The following ITLN1 variants were observed in gnomAD, a reference collection of about 807,000 sequenced individuals.
The protein encoded by ITLN1 is intelectin-1.
A neutral mutation model predicts 36.2 loss-of-function variants in ITLN1; 29 were observed. That is an observed-to-expected ratio of 0.80 (90% CI 0.60 to 1.09). The LOEUF is 1.09. ITLN1 is among the 50% of genes least tolerant of loss of function. ITLN1 has a pLI of 0.00. For synonymous variants in ITLN1, 143 were observed against 146.5 expected, an observed-to-expected ratio of 0.98 and a Z score of 0.17; for missense variants, 358 against 405.2, an observed-to-expected ratio of 0.88 and a Z score of 1.00.
At chr1:160,880,836 A>C (rs947118027) in intron 5 of ITLN1, 128 bp from the exon 6 acceptor site, 1 of 1,137,792 alleles carries the variant, frequency 8.8e-7, no homozygotes, top group Non-Finnish European at 1.3e-6. Context: ...CTTCAAAACC[A>C]GTCAAAATAA....
intron 7 of ITLN1, among the ~76,000 whole-genome samples, chr1:160,877,268 G>A (rs1266079886): frequency 4.0e-5 from 6 of 151,648 alleles, no homozygotes; most frequent in Non-Finnish European, 7.4e-5. Flanking sequence ...TCTTCCTTTA[G>A]CTTTAGTGAC....
rs753071761 is a variant in ITLN1 at position 160,876,643 on chromosome 1, G to A, written c.*21C>T. On this transcript the variant is annotated 3_prime_UTR_variant, in exon 8 of 8. Transcript: ENST00000326245. ...ATCTCATGGTTGGGAGGAGAGGTCT[G>A]GGTTCCCTCCCACAAAACTCTCAAC... 3.2e-5 allele frequency: 52 copies of A among 1,613,224 alleles called. No individual in the cohort carries two copies. The highest frequency in any genetic ancestry group is 4.3e-5 in the Non-Finnish European group (51 of 1,179,450).
chr1:160,882,160 T>A lies in ITLN1; in HGVS notation c.202A>T (p.Thr68Ser). 1 of 1,608,104 alleles carries A rather than the reference T, an allele frequency of 6.2e-7. No homozygotes were observed. Among genetic ancestry groups the A allele is most frequent in the Non-Finnish European group, 8.5e-7 (1 of 1,176,574 alleles). ...LRTENGVIYQ[T>S]FCDMTSGGGG... The stretch of plus-strand genomic sequence containing the variant: ...CCCCCAGAGGTCATGTCACAGAAGG[T>A]CTGGTAGATAACACCATTCTCAGTG... Residue 68 changes from threonine to serine, a missense_variant, in exon 4 of 8, where the codon ACC becomes TCC. Physicochemically the swap from Thr to Ser is moderately conservative, Grantham distance 58. Coordinates refer to ENST00000326245, the MANE Select transcript of ITLN1 (RefSeq NM_017625.3).
At position 160,880,723 on chromosome 1, in the gene ITLN1, G is replaced by A. The variant is rs1409491189; in HGVS notation, c.565-15C>T. ...ACTGGATATTTCTACAAAGAACACA[G>A]AAAAAGTCATGGAGTAAAGACAATA... On this transcript the variant is annotated splice_polypyrimidine_tract_variant and intron_variant, in intron 5 of 7. Transcript: ENST00000326245. 2.5e-6 allele frequency: 4 copies of A among 1,613,170 alleles called. No individual in the cohort carries two copies. Among genetic ancestry groups the A allele is most frequent in the Non-Finnish European group, 3.4e-6 (4 of 1,179,772 alleles).
In ITLN1 at chr1:160,876,758, A is replaced by G; in HGVS notation, c.848T>C (p.Phe283Ser). The change falls in exon 8 of 8, where the codon TTT becomes TCT. Residue 283 changes from phenylalanine (F) to serine (S), a missense_variant. By Grantham distance (155) the Phe-to-Ser change is radical (BLOSUM62 -2). Transcript: ENST00000326245. ...PEASPQQCGD[F>S]SGFDWSGYGT... ...ATATCCACTCCAATCAAAACCAGAAAAATCTCCACACTGCTGGGGACTGGC... is the reference window on the plus strand; with the variant it reads ...ATATCCACTCCAATCAAAACCAGAAGAATCTCCACACTGCTGGGGACTGGC... 1 of 1,614,198 alleles carries G rather than the reference A, an allele frequency of 6.2e-7. No individual in the cohort carries two copies.
chr1:160,880,595 A>G lies in ITLN1; in HGVS notation c.678T>C (p.Tyr226=). ...AQKTASYYSP[Y]GQREFTAGFV... Reference sequence around the variant, plus strand: ...GGATCATTAAAGACTCACGCTGGCCATAGGGTGAGTAATAAGATGCTGTTT... The same window carrying G: ...GGATCATTAAAGACTCACGCTGGCCGTAGGGTGAGTAATAAGATGCTGTTT... The change falls in exon 6 of 8, where the codon TAT becomes TAC. Residue 226 remains tyrosine, a synonymous_variant. Transcript: ENST00000326245. 1 of 1,614,078 alleles carries G rather than the reference A, an allele frequency of 6.2e-7. No individual in the cohort carries two copies. Among genetic ancestry groups the G allele is most frequent in the Non-Finnish European group, 8.5e-7 (1 of 1,179,960 alleles).
chr1:160,885,162 A>C lies in ITLN1; in HGVS notation c.-108T>G. 1 of 316,610 alleles carries C rather than the reference A, an allele frequency of 3.2e-6. No individual in the cohort carries two copies. 19.6% of individuals were successfully genotyped at this position (316,610 alleles called of 1,614,324 possible). A position where few individuals can be genotyped will look rare whatever the true frequency, so the allele number is the denominator to read the frequency against. On this transcript the variant is annotated 5_prime_UTR_variant, in exon 1 of 8. Coordinates refer to ENST00000326245, the MANE Select transcript of ITLN1 (RefSeq NM_017625.3). ...TCAACAGAGTGCAGCTTTCTCCAAA[A>C]ACGCTCCTGATGTGGAATGAGGTGC... is the stretch of plus-strand genomic sequence containing the variant.
At position 160,881,219 on chromosome 1, in the gene ITLN1, G is replaced by A; in HGVS notation, c.499C>T (p.Leu167=). Residue 167 remains leucine (L), a synonymous_variant, in exon 5 of 8, where the codon CTG becomes TTG. Transcript: ENST00000326245. The part of the protein sequence containing the change: ...PMQHWRNSSL[L]RYRTDTGFLQ... Reference sequence around the variant, plus strand: ...AAGCCAGTGTCCGTGCGGTACCTCAGCAGGGAGCTGTTTCTCCAGTGCTGC... The same window carrying A: ...AAGCCAGTGTCCGTGCGGTACCTCAACAGGGAGCTGTTTCTCCAGTGCTGC... The A allele has an allele frequency of 6.2e-7, 1 of 1,613,910 alleles. No homozygotes were observed. The highest frequency in any genetic ancestry group is 8.5e-7 in the Non-Finnish European group (1 of 1,179,860).
In ITLN1 at chr1:160,885,146, T is replaced by C. The variant is rs112656766; in HGVS notation, c.-92A>G. The C allele has an allele frequency of 2.9e-3, 1,048 of 362,446 alleles. 18 individuals carry two copies. The East Asian group carries it at 0.033, about 11-fold the overall frequency. The allele number at this position is 362,446 out of a possible 1,614,324, so 22.5% of individuals were successfully genotyped here. A position where few individuals can be genotyped will look rare whatever the true frequency, so the allele number is the denominator to read the frequency against. On this transcript the variant is annotated 5_prime_UTR_variant, in exon 1 of 8. Transcript: ENST00000326245. ...CACTGCGCCCTGGAGCTCAACAGAG[T>C]GCAGCTTTCTCCAAAAACGCTCCTG...
In ITLN1 at chr1:160,884,807, C is replaced by T; in HGVS notation, c.58+13G>A. On this transcript the variant is annotated intron_variant, in intron 2 of 7. Coordinates refer to ENST00000326245, the MANE Select transcript of ITLN1 (RefSeq NM_017625.3). ...CAGCTGAAGGAACTGCTGTCCCTAG[C>T]AGCGTGACTCACCTGTACTCCATCC... 3 of 1,595,820 alleles carry T rather than the reference C, an allele frequency of 1.9e-6. No individual in the cohort carries two copies. The highest frequency in any genetic ancestry group is 2.6e-6 in the Non-Finnish European group (3 of 1,164,064).
At chr1:160,878,974 T>C (rs1239221014) in intron 7 of ITLN1, among the ~76,000 whole-genome samples, 1 of 152,146 alleles carries the variant, frequency 6.6e-6, no homozygotes, top group Non-Finnish European at 1.5e-5. Context: ...TCAAGGAATC[T>C]CAGCTCTAAA....
chr1:160,883,455 T>C lies in ITLN1; in HGVS notation c.130A>G (p.Ile44Val). The stretch of plus-strand genomic sequence containing the variant: ...AATGCACTAGGACATTCGTCTTTGA[T>C]TTCCTTGCAGCTTCTGGGCAGAGAT... ...SPSLPRSCKEIKDECPSAFDG... is the reference protein window; with the variant it reads ...SPSLPRSCKEVKDECPSAFDG... Residue 44 changes from isoleucine to valine, a missense_variant, in exon 3 of 8, where the codon ATC (isoleucine) becomes GTC (valine). Coordinates refer to ENST00000326245, the MANE Select transcript of ITLN1 (RefSeq NM_017625.3). 2 of 1,613,604 alleles carry C rather than the reference T, an allele frequency of 1.2e-6. No individual in the cohort carries two copies. The highest frequency in any genetic ancestry group is 1.7e-5 in the Admixed American group (1 of 60,022).
Position 160,882,186 on chromosome 1 carries a change from C to T in ITLN1, c.176G>A (p.Arg59His), listed in dbSNP as rs117373725. ...PSAFDGLYFL[R>H]TENGVIYQTF... is the part of the protein sequence containing the mutation. ...CTGGTAGATAACACCATTCTCAGTGCGGAGAAAATACAGGCCATCTGTAGA... is the reference window on the plus strand; with the variant it reads ...CTGGTAGATAACACCATTCTCAGTGTGGAGAAAATACAGGCCATCTGTAGA... The change falls in exon 4 of 8, where the codon CGC (arginine) becomes CAC (histidine). Residue 59 changes from arginine to histidine, a missense_variant. Arg to His is a conservative substitution (Grantham distance 29, BLOSUM62 0). Transcript: ENST00000326245. The T allele has an allele frequency of 3.1e-5, 49 of 1,584,898 alleles. No individual in the cohort carries two copies. The highest frequency in any genetic ancestry group is 1.3e-4 in the East Asian group (6 of 44,594).
intron 2 of ITLN1, among the ~76,000 whole-genome samples, chr1:160,884,373 T>A (rs1274933406): frequency 6.6e-6 from 1 of 151,802 alleles, no homozygotes; most frequent in Non-Finnish European, 1.5e-5. Context: ...AAAGATGAAG[T>A]AAGAAGATAT....
At chr1:160,884,754 G>A in intron 2 of ITLN1, 66 bp downstream of exon 2, 2 of 1,111,248 alleles carry the variant, frequency 1.8e-6, no homozygotes, top group East Asian at 4.7e-5. Flanking sequence ...TCTGTGTCCT[G>A]GGAGAGACCA....
chr1:160,884,168 C>T (rs749345928), intron 2 of ITLN1, among the ~76,000 whole-genome samples: 1 of 151,242 alleles, frequency 6.6e-6, no homozygotes, highest in Non-Finnish European at 1.5e-5. Context: ...AAAAATACAG[C>T]GTAGTCCAGC....
In ITLN1 at chr1:160,882,173, A is replaced by G. The variant is rs1386115711; in HGVS notation, c.189T>C (p.Gly63=). ...DGLYFLRTEN[G]VIYQTFCDMT... ...TGTCACAGAAGGTCTGGTAGATAAC[A>G]CCATTCTCAGTGCGGAGAAAATACA... The change falls in exon 4 of 8, where the codon GGT becomes GGC. Residue 63 remains glycine (G), a synonymous_variant. Coordinates refer to ENST00000326245, the MANE Select transcript of ITLN1 (RefSeq NM_017625.3). The G allele has an allele frequency of 1.3e-6, 2 of 1,598,438 alleles. No homozygotes were observed. Among genetic ancestry groups the G allele is most frequent in the South Asian group, 1.1e-5 (1 of 88,476 alleles).
Position 160,882,024 on chromosome 1 carries a change from C to G in ITLN1, c.338G>C (p.Gly113Ala). ...GTTGTAGTTGGCCCAGTTGCCGTCCCCCTCTGGGTAGACTGCTTTGCTGCC... is the reference window on the plus strand; with the variant it reads ...GTTGTAGTTGGCCCAGTTGCCGTCCGCCTCTGGGTAGACTGCTTTGCTGCC... ...QQGSKAVYPEGDGNWANYNTF... is the reference protein window; with the variant it reads ...QQGSKAVYPEADGNWANYNTF... The change falls in exon 4 of 8, where the codon GGG becomes GCG. Residue 113 changes from glycine to alanine, a missense_variant. Coordinates refer to ENST00000326245, the MANE Select transcript of ITLN1 (RefSeq NM_017625.3). The G allele has an allele frequency of 6.2e-7, 1 of 1,614,056 alleles. No individual in the cohort carries two copies. Among genetic ancestry groups the G allele is most frequent in the Non-Finnish European group, 8.5e-7 (1 of 1,180,002 alleles).
chr1:160,884,910 A>G (rs765163926), intron 1 of ITLN1, 27 bp from the exon 2 acceptor site: 2 of 1,535,458 alleles, frequency 1.3e-6, no homozygotes, highest in South Asian at 1.1e-5. Flanking sequence ...GAAGGTCACC[A>G]TCTTGGCCAT....
Sources: allele counts gnomAD v4.1 joint callset (sites outside exome capture counted in the v4.1 genomes callset), GRCh38; gene constraint gnomAD v4.1.1; transcripts MANE v1.5; gene names NCBI Gene and HGNC (gene_info 2026-07-23, HGNC 2026-07-21).